Variants in NFASC observed in about 807,000 individuals in gnomAD.
The protein encoded by NFASC is neurofascin homolog.
A neutral mutation model predicts 147.5 loss-of-function variants in NFASC; 43 were observed. That is an observed-to-expected ratio of 0.29 (90% CI 0.23 to 0.38). The LOEUF (loss-of-function observed/expected upper bound fraction) is 0.38. Ranked by LOEUF, NFASC falls within the 10% of genes least tolerant of loss-of-function variation. The pLI is 1.00. For synonymous variants in NFASC, 622 were observed against 665.5 expected (o/e 0.93, Z 1.01); for missense variants, 1,320 against 1,689.0 (o/e 0.78, Z 3.83).
intron 12 of NFASC, 114 bp downstream of exon 12, chr1:204,973,533 G>T: frequency 7.5e-7 from 1 of 1,341,438 alleles, no homozygotes; most frequent in Non-Finnish European, 1.0e-6. Context: ...GCCAAGCTGG[G>T]TGAGGTAAGA....
rs774271091 is a variant in NFASC at position 204,979,559 on chromosome 1, C to T, written c.2176C>T (p.Pro726Ser). 6.2e-6 allele frequency: 10 copies of T among 1,613,428 alleles called. No individual in the cohort carries two copies. The highest frequency in any genetic ancestry group is 2.2e-5 in the East Asian group (1 of 44,888). The change falls in exon 19 of 30, where the codon CCC (proline) becomes TCC (serine). Residue 726 changes from proline to serine, a missense_variant and splice_region_variant. Around this residue, in one of 3 missense-constraint regions of NFASC, gnomAD observed 981 missense variants for 1,289.5 expected, o/e 0.76. Transcript: ENST00000339876. This position sits in a 1 kb window ranked among gnomAD's most constrained non-coding sequence, Gnocchi z 6.0. ...CGAGCGCTACCGAACCAGTGGAGCA[C>T]GTGAGTACCCGAGGGCTGCCAGAGA... ...PSERYRTSGA[P>S]PESNPGDVKG... is the part of the protein sequence containing the mutation.
At chr1:204,994,804 C>T (rs2095812353) in intron 24 of NFASC, among the ~76,000 whole-genome samples, 1 of 152,086 alleles carries the variant, frequency 6.6e-6, no homozygotes, top group African/African-American at 2.4e-5. Flanking sequence ...ACCTTGTAAG[C>T]ATTTGATTTG....
chr1:204,973,965 G>T (rs1193450047), intron 12 of NFASC, among the ~76,000 whole-genome samples: 1 of 152,152 alleles, frequency 6.6e-6, no homozygotes, highest in East Asian at 1.9e-4. Flanking sequence ...AGCTGGATTT[G>T]GATGTAGGGT....
chr1:204,929,817 C>G (rs1356113843), intron 2 of NFASC, among the ~76,000 whole-genome samples: 4 of 152,156 alleles, frequency 2.6e-5, no homozygotes, highest in African/African-American at 4.8e-5. Flanking sequence ...GGTGTTCTGT[C>G]TCTTTGGGAT....
chr1:205,007,697 G>C (rs913076806), intron 27 of NFASC, among the ~76,000 whole-genome samples: 3 of 152,168 alleles, frequency 2.0e-5, no homozygotes, highest in Non-Finnish European at 4.4e-5. Context: ...AAAAGCAGCA[G>C]ATGCAAAGGC....
At chr1:204,978,390 C>T (rs1393444687) in intron 17 of NFASC, among the ~76,000 whole-genome samples, 1 of 152,202 alleles carries the variant, frequency 6.6e-6, no homozygotes. Context: ...GGCTTCTGTC[C>T]TGCTGTCCAT....
chr1:204,896,449 C>G (rs1233592590), intron 1 of NFASC, among the ~76,000 whole-genome samples: 1 of 152,112 alleles, frequency 6.6e-6, no homozygotes. Flanking sequence ...TCTTTGGTCT[C>G]TGTTATTTGT....
At position 205,016,291 on chromosome 1, in the gene NFASC, T is replaced by C; in HGVS notation, c.3492-17T>C. The C allele has an allele frequency of 1.9e-6, 3 of 1,577,842 alleles. No homozygotes were observed. Among genetic ancestry groups the C allele is most frequent in the Non-Finnish European group, 2.6e-6 (3 of 1,147,232 alleles). ...CCATCTCACCCCACCTGAGATTCTC[T>C]GTCTCTCTTTGGCCAGTGATGAGGA... On this transcript the variant is annotated splice_polypyrimidine_tract_variant and intron_variant, in intron 29 of 29. Transcript: ENST00000339876. The surrounding 1 kb of genome is among the most constrained non-coding windows in gnomAD (Gnocchi z 5.1).
intron 1 of NFASC, among the ~76,000 whole-genome samples, chr1:204,841,558 G>A (rs1478668877): frequency 6.6e-6 from 1 of 152,142 alleles, no homozygotes; most frequent in African/African-American, 2.4e-5. Flanking sequence ...AGGCCCTGAG[G>A]CTGAGGCTGT....
At chr1:204,966,919 G>A (rs2094977246) in intron 8 of NFASC, among the ~76,000 whole-genome samples, 1 of 152,162 alleles carries the variant, frequency 6.6e-6, no homozygotes, top group Non-Finnish European at 1.5e-5. Flanking sequence ...AGAGTTGAGT[G>A]CCCCAGAACA....
chr1:204,972,205 C>T (rs528105539), intron 11 of NFASC, among the ~76,000 whole-genome samples: 94 of 152,324 alleles, frequency 6.2e-4, no homozygotes, highest in African/African-American at 7.9e-4. Context: ...CTGCATCCTC[C>T]GCTGACTTCC....
chr1:204,852,032 G>A (rs2075743279), intron 1 of NFASC, among the ~76,000 whole-genome samples: 2 of 152,198 alleles, frequency 1.3e-5, no homozygotes, highest in Admixed American at 6.5e-5. Flanking sequence ...TAGGATTGTT[G>A]TTAGAAACAG....
Position 204,997,346 on chromosome 1 carries a change from G to A in NFASC, c.2959G>A (p.Ala987Thr), listed in dbSNP as rs183209390. ...CACAACTACTACAACCACTGCTGCC[G>A]CCACCACCACCACGGAGAGTCCTCC... ...VATTTTTTAA[A>T]TTTTESPPTT... Residue 987 changes from alanine (A) to threonine (T), a missense_variant, in exon 25 of 30, where the codon GCC becomes ACC. By Grantham distance (58) the Ala-to-Thr change is moderately conservative (BLOSUM62 0). Coordinates refer to ENST00000339876, the MANE Select transcript of NFASC (RefSeq NM_001005388.3). 7,996 of 1,561,440 alleles carry A rather than the reference G, an allele frequency of 5.1e-3. 26 individuals are homozygous for A. Among genetic ancestry groups the A allele is most frequent in the Non-Finnish European group, 5.9e-3 (6,852 of 1,152,800 alleles).
At chr1:204,991,756 G>A (rs1195098966) in intron 24 of NFASC, among the ~76,000 whole-genome samples, 2 of 152,206 alleles carry the variant, frequency 1.3e-5, no homozygotes. Flanking sequence ...CTCCTGAAAG[G>A]GTGAACATGC....
chr1:204,950,104 G>A (rs4951147), intron 3 of NFASC, among the ~76,000 whole-genome samples: 92,133 of 152,180 alleles, frequency 0.61, 29,727 homozygotes, highest in Non-Finnish European at 0.74. Context: ...CTCTGCAGCA[G>A]TGTTTCCAAT....
intron 1 of NFASC, among the ~76,000 whole-genome samples, chr1:204,857,716 C>T (rs2076279686): frequency 6.6e-6 from 1 of 152,112 alleles, no homozygotes; most frequent in African/African-American, 2.4e-5. Context: ...GCTGACAAAA[C>T]AAAGTACCAC....
chr1:204,918,252 A>G (rs1490768726), intron 1 of NFASC, among the ~76,000 whole-genome samples: 1 of 152,248 alleles, frequency 6.6e-6, no homozygotes, highest in Non-Finnish European at 1.5e-5. Context: ...TCTTTGTGGT[A>G]CATCTATCTA....
At chr1:204,950,484 T>G (rs2094027642) in intron 3 of NFASC, 73 bp from the exon 4 acceptor site, 1 of 1,411,270 alleles carries the variant, frequency 7.1e-7, no homozygotes, top group Non-Finnish European at 9.9e-7. Context: ...GGCGTGAGGA[T>G]GCCTGGGCGG....
chr1:204,944,453 A>AT, intron 3 of NFASC, 47 bp downstream of exon 3: 3 of 488,714 alleles, frequency 6.1e-6, no homozygotes, highest in Non-Finnish European at 1.1e-5. Context: ...GATTTTGGGC[A>AT]GAGGGGTGGG....
Sources: allele counts gnomAD v4.1 joint callset (sites outside exome capture counted in the v4.1 genomes callset), GRCh38; gene constraint gnomAD v4.1.1; regional missense constraint gnomAD v4.1.1; non-coding constraint Gnocchi (gnomAD v3.1); transcripts MANE v1.5; gene names NCBI Gene and HGNC (gene_info 2026-07-23, HGNC 2026-07-21).